Variants in OSBPL3 observed in about 807,000 individuals in gnomAD.
The protein encoded by OSBPL3 is oxysterol binding protein like 3.
In OSBPL3, 65 loss-of-function variants were observed where a neutral mutation model predicts 120.1. The ratio of observed to expected loss-of-function variants is 0.54; its 90% confidence interval spans 0.44 to 0.67. The LOEUF (loss-of-function observed/expected upper bound fraction) is 0.67, where lower values mean the gene tolerates loss of function less well. Among genes scored for constraint, OSBPL3 ranks in the 30% least tolerant of loss-of-function variants. The probability of loss-of-function intolerance (pLI) is 0.00; values close to 1 mark genes in which losing one functional copy is unlikely to be tolerated. For synonymous variants in OSBPL3, 416 were observed against 402.6 expected (o/e 1.03, Z -0.40); for missense variants, 1,004 against 1,082.1 (o/e 0.93, Z 1.01).
rs1315452340 is a variant in OSBPL3, at chr7:24,818,529, A to G, written c.1948+1646T>C. Among the ~76,000 whole-genome samples the G allele has an allele frequency of 6.6e-6, 1 of 152,220 alleles. No individual in the cohort carries two copies. The highest frequency in any genetic ancestry group is 1.5e-5 in the Non-Finnish European group (1 of 68,040). ...TATTATTTGATGATATTAAAAATAT[A>G]TAACATAAATCCTAAAGTAACAACT... On this transcript the variant is annotated intron_variant, in intron 17 of 22. Coordinates refer to ENST00000313367, the MANE Select transcript of OSBPL3 (RefSeq NM_015550.4). This position sits in a 1 kb window ranked among gnomAD's most constrained non-coding sequence, Gnocchi z 4.0.
rs146720389 is a variant in OSBPL3 at position 24,877,203 on chromosome 7, T to G, written c.97-5134A>C. ...GATGAAGAAAAAGGAGTAAATCCCATTGGGTAGAGGAATAGTGGTGGGCCA... is the reference window on the plus strand; with the variant it reads ...GATGAAGAAAAAGGAGTAAATCCCAGTGGGTAGAGGAATAGTGGTGGGCCA... On this transcript the variant is annotated intron_variant, in intron 2 of 22. Coordinates refer to ENST00000313367, the MANE Select transcript of OSBPL3 (RefSeq NM_015550.4). The surrounding 1 kb of genome is among the most constrained non-coding windows in gnomAD (Gnocchi z 4.8). Among the ~76,000 whole-genome samples the G allele has an allele frequency of 6.6e-6, 1 of 152,128 alleles. No homozygotes were observed. The highest frequency in any genetic ancestry group is 1.5e-5 in the Non-Finnish European group (1 of 68,008).
rs12531725 is a variant in OSBPL3, at chr7:24,937,286, A to C, written c.-150+42600T>G. Among the ~76,000 whole-genome samples, 37,928 of 152,124 alleles carry C rather than the reference A, an allele frequency of 0.25. 5,182 individuals carry two copies. Among genetic ancestry groups the C allele is most frequent in the Middle Eastern group, 0.33 (97 of 292 alleles). ...TCTCCCACCAGGTCCCTCCCACAAC[A>C]CGTGGGGATTATGGGAACTACAATT... On this transcript the variant is annotated intron_variant, in intron 1 of 22. Transcript: ENST00000313367. This position sits in a 1 kb window ranked among gnomAD's most constrained non-coding sequence, Gnocchi z 4.0.
chr7:24,864,278 G>C (rs756214379), intron 7 of OSBPL3, among the ~76,000 whole-genome samples: 15 of 152,178 alleles, frequency 9.9e-5, no homozygotes, highest in Non-Finnish European at 2.1e-4. Context: ...GAAGAATACA[G>C]GCCCAAATGC....
chr7:24,906,421 C>T (rs1584575713), intron 1 of OSBPL3: 2 of 243,654 alleles, frequency 8.2e-6, no homozygotes, highest in South Asian at 5.1e-5. Flanking sequence ...GGAACCTTTC[C>T]TTGTTGAAGT....
intron 1 of OSBPL3, among the ~76,000 whole-genome samples, chr7:24,960,857 A>C (rs1815644274): frequency 6.6e-6 from 1 of 152,214 alleles, no homozygotes; most frequent in South Asian, 2.1e-4. Flanking sequence ...CCCTCCAAAA[A>C]GAAATAAGAA....
In OSBPL3 at chr7:24,959,901, T is replaced by G. The variant is rs1194873884; in HGVS notation, c.-150+19985A>C. 1.3e-5 allele frequency among the ~76,000 whole-genome samples: 2 copies of G among 152,154 alleles called. No homozygotes were observed. Among genetic ancestry groups the G allele is most frequent in the Non-Finnish European group, 2.9e-5 (2 of 68,020 alleles). ...AATTTTCTATTTCCGAAACAATGCATGAGTCACAAATGGTATTCAAATTTT... is the reference window on the plus strand; with the variant it reads ...AATTTTCTATTTCCGAAACAATGCAGGAGTCACAAATGGTATTCAAATTTT... On this transcript the variant is annotated intron_variant, in intron 1 of 22. Coordinates refer to ENST00000313367, the MANE Select transcript of OSBPL3 (RefSeq NM_015550.4). The surrounding 1 kb of genome is among the most constrained non-coding windows in gnomAD (Gnocchi z 4.3).
At chr7:24,829,531 T>C (rs556176512) in intron 16 of OSBPL3, among the ~76,000 whole-genome samples, 8 of 152,116 alleles carry the variant, frequency 5.3e-5, no homozygotes, top group African/African-American at 4.8e-5. Context: ...TGCAAATCCA[T>C]TGATAAAGAG....
intron 16 of OSBPL3, among the ~76,000 whole-genome samples, chr7:24,826,665 T>C (rs1360057276): frequency 6.6e-6 from 1 of 152,108 alleles, no homozygotes; most frequent in Non-Finnish European, 1.5e-5. Context: ...TGCCTCACCT[T>C]CCACAGAGCG....
In OSBPL3 at chr7:24,824,750, A is replaced by G. The variant is rs1335763153; in HGVS notation, c.1885-4512T>C. The stretch of plus-strand genomic sequence containing the variant: ...AGAAGCACATAATTTGTCAGTAGAA[A>G]TTGTGTTAAGGAAAATAAAGCAGGG... On this transcript the variant is annotated intron_variant, in intron 16 of 22. Transcript: ENST00000313367. The surrounding 1 kb of genome is among the most constrained non-coding windows in gnomAD (Gnocchi z 4.9). 1.3e-5 allele frequency among the ~76,000 whole-genome samples: 2 copies of G among 152,214 alleles called. No homozygotes were observed. The highest frequency in any genetic ancestry group is 4.8e-5 in the African/African-American group (2 of 41,448).
At chr7:24,974,136 A>G (rs1392562588) in intron 1 of OSBPL3, among the ~76,000 whole-genome samples, 2 of 152,234 alleles carry the variant, frequency 1.3e-5, no homozygotes, top group Non-Finnish European at 2.9e-5. Context: ...GACTAGCCAC[A>G]TTTTAAAGGC....
intron 1 of OSBPL3, among the ~76,000 whole-genome samples, chr7:24,924,935 C>CT (rs1220711286): frequency 2.0e-5 from 3 of 152,114 alleles, no homozygotes; most frequent in Non-Finnish European, 4.4e-5. Flanking sequence ...AGCTGTTACC[C>CT]TTTTTCATTT....
In OSBPL3 at chr7:24,916,904, C is replaced by T. The variant is rs761823136; in HGVS notation, c.-149-24283G>A. Among the ~76,000 whole-genome samples the T allele has an allele frequency of 3.8e-4, 52 of 136,166 alleles. No individual in the cohort carries two copies. Among genetic ancestry groups the T allele is most frequent in the Non-Finnish European group, 7.3e-4 (47 of 64,712 alleles). 89.3% of individuals were successfully genotyped at this position (136,166 alleles called of 152,430 possible). On this transcript the variant is annotated intron_variant, in intron 1 of 22. Transcript: ENST00000313367. This position sits in a 1 kb window ranked among gnomAD's most constrained non-coding sequence, Gnocchi z 4.9. ...CCAGGTTTACTGGCAGCCACTAAGA[C>T]GTCTTCCATTTCCACCCCCCCCAAC...
Position 24,863,561 on chromosome 7 carries a change from G to C in OSBPL3, c.712C>G (p.Gln238Glu). 1 of 1,614,064 alleles carries C rather than the reference G, an allele frequency of 6.2e-7. No homozygotes were observed. The highest frequency in any genetic ancestry group is 8.5e-7 in the Non-Finnish European group (1 of 1,179,944). ...AGGACGTCCATGCTTTGCAGGAGCT[G>C]GCTCATTTCTACCAGGTAGGCATGA... ...HCHAYLVEMS[Q>E]LLQSMDVLHR... is the part of the protein sequence containing the mutation. The change falls in exon 8 of 23, where the codon CAG (glutamine) becomes GAG (glutamate). Residue 238 changes from glutamine to glutamate, a missense_variant. By Grantham distance (29) the Gln-to-Glu change is conservative. Coordinates refer to ENST00000313367, the MANE Select transcript of OSBPL3 (RefSeq NM_015550.4). The surrounding 1 kb of genome is among the most constrained non-coding windows in gnomAD (Gnocchi z 5.8).
At chr7:24,909,568 C>T (rs2128411922) in intron 1 of OSBPL3, among the ~76,000 whole-genome samples, 1 of 152,170 alleles carries the variant, frequency 6.6e-6, no homozygotes, top group South Asian at 2.1e-4. Flanking sequence ...TTTTGAATCT[C>T]TCAGTTACAC....
At chr7:24,901,734 G>A (rs185837971) in intron 1 of OSBPL3, among the ~76,000 whole-genome samples, 20 of 152,264 alleles carry the variant, frequency 1.3e-4, no homozygotes. Context: ...GTAGGACCAG[G>A]GTTGACAAGG....
chr7:24,835,464 C>A lies in OSBPL3; in HGVS notation c.1496-728G>T, dbSNP rs967274966. ...AAAGGGAATACTTATACACTACTGG[C>A]GGGAATGTAATTAGCTCAGCCATTG... On this transcript the variant is annotated intron_variant, in intron 14 of 22. Transcript: ENST00000313367. The surrounding 1 kb of genome is among the most constrained non-coding windows in gnomAD (Gnocchi z 4.8). Among the ~76,000 whole-genome samples the A allele has an allele frequency of 6.6e-6, 1 of 152,028 alleles. No individual in the cohort carries two copies. Among genetic ancestry groups the A allele is most frequent in the African/African-American group, 2.4e-5 (1 of 41,402 alleles).
rs1402684384 is a variant in OSBPL3 at position 24,933,347 on chromosome 7, G to A, written c.-149-40726C>T. ...AAGAACCAACCCATGAAGGTAAAAA[G>A]CAACCTTGCCAACATACACCCTTTA... is the stretch of plus-strand genomic sequence containing the variant. On this transcript the variant is annotated intron_variant, in intron 1 of 22. Coordinates refer to ENST00000313367, the MANE Select transcript of OSBPL3 (RefSeq NM_015550.4). The surrounding 1 kb of genome is among the most constrained non-coding windows in gnomAD (Gnocchi z 5.1). 6.6e-6 allele frequency among the ~76,000 whole-genome samples: 1 copy of A among 152,088 alleles called. No homozygotes were observed. Among genetic ancestry groups the A allele is most frequent in the East Asian group, 1.9e-4 (1 of 5,192 alleles).
At chr7:24,861,143 T>C (rs1373905562) in intron 10 of OSBPL3, among the ~76,000 whole-genome samples, 1 of 152,232 alleles carries the variant, frequency 6.6e-6, no homozygotes, top group Non-Finnish European at 1.5e-5. Flanking sequence ...TGATATCTCA[T>C]CATGGCTTTA....
chr7:24,903,277 TCA>T (rs1286551626), intron 1 of OSBPL3, among the ~76,000 whole-genome samples: 1 of 152,190 alleles, frequency 6.6e-6, no homozygotes, highest in Non-Finnish European at 1.5e-5. Context: ...AAGCGTGGAC[TCA>T]CACTCACAAA....
Sources: gnomAD v4.1 joint callset for allele counts (sites outside exome capture counted in the v4.1 genomes callset) on GRCh38, gnomAD v4.1.1 for gene constraint, Gnocchi (gnomAD v3.1) non-coding constraint, MANE v1.5 for transcripts, NCBI Gene and HGNC (gene_info 2026-07-23, HGNC 2026-07-21) for gene names.